Variants in NFIB observed in about 807,000 individuals in gnomAD.
The protein encoded by NFIB is nuclear factor I B.
Under a neutral mutation model 61.5 loss-of-function variants are expected in NFIB, and 11 were observed. The ratio of observed to expected loss-of-function variants is 0.18; its 90% CI spans 0.11 to 0.30. The LOEUF is 0.30. NFIB is among the 10% of genes least tolerant of loss of function. NFIB has a pLI of 1.00. For synonymous variants in NFIB, 260 were observed against 216.5 expected, an observed-to-expected ratio of 1.20 and a Z score of -1.76; for missense variants, 471 against 608.9, an observed-to-expected ratio of 0.77 and a Z score of 2.38.
At chr9:14,294,645 C>G (rs753109412) in intron 2 of NFIB, among the ~76,000 whole-genome samples, 2 of 152,188 alleles carry the variant, frequency 1.3e-5, no homozygotes, top group Non-Finnish European at 2.9e-5. Context: ...TCCAAACAAG[C>G]TAATCAATGT....
chr9:14,315,759 C>A (rs1233426126), upstream of NFIB, among the ~76,000 whole-genome samples: 1 of 151,938 alleles, frequency 6.6e-6, no homozygotes, highest in South Asian at 2.1e-4. Flanking sequence ...ACACACACCG[C>A]CCCCCAAATC....
chr9:14,343,498 A>G (rs1264134937), intron 1 of NFIB, among the ~76,000 whole-genome samples: 1 of 152,174 alleles, frequency 6.6e-6, no homozygotes, highest in Non-Finnish European at 1.5e-5. Context: ...TTTATTAAAA[A>G]AAAGTGTGAA....
chr9:14,341,865 C>G (rs953817955), intron 1 of NFIB, among the ~76,000 whole-genome samples: 1 of 151,340 alleles, frequency 6.6e-6, no homozygotes, highest in African/African-American at 2.4e-5. Context: ...GTGAGTGCTT[C>G]CAGATGCACT....
chr9:14,236,877 A>C (rs2053798795), intron 2 of NFIB, among the ~76,000 whole-genome samples: 1 of 151,998 alleles, frequency 6.6e-6, no homozygotes, highest in African/African-American at 2.4e-5. Context: ...AAACACAAAA[A>C]AGCCACTATT....
At chr9:14,512,429 G>C in the NFIB span, among the ~76,000 whole-genome samples, 1 of 152,172 alleles carries the variant, frequency 6.6e-6, no homozygotes, top group East Asian at 1.9e-4. Flanking sequence ...GTTTCTTTGA[G>C]ACAGATATTT....
In NFIB at chr9:14,221,687, T is replaced by G. The variant is rs147675805; in HGVS notation, c.563-41907A>C. Among the ~76,000 whole-genome samples the G allele has an allele frequency of 2.2e-4, 33 of 152,310 alleles. No individual in the cohort carries two copies. The East Asian group carries it at 5.8e-3, about 27-fold the overall frequency. On this transcript the variant is annotated intron_variant, in intron 2 of 10. Transcript: ENST00000380953. ...TTTAACAGCCAGGGTAAGACCCACATTCTCCCATGAAGCTGTCCTGACAAA... is the reference window on the plus strand; with the variant it reads ...TTTAACAGCCAGGGTAAGACCCACAGTCTCCCATGAAGCTGTCCTGACAAA...
intron 2 of NFIB, chr9:14,204,318 C>T: frequency 2.8e-6 from 2 of 725,036 alleles, no homozygotes; most frequent in Admixed American, 1.9e-5. Context: ...AAGCAGGAGG[C>T]CAAGAAAGTG....
At chr9:14,107,022 A>C (rs1312923652) in intron 10 of NFIB, among the ~76,000 whole-genome samples, 2 of 152,014 alleles carry the variant, frequency 1.3e-5, no homozygotes, top group Non-Finnish European at 2.9e-5. Context: ...ACATCTTGAA[A>C]GGTATGTTTT....
chr9:14,224,739 G>C (rs761475347), intron 2 of NFIB, among the ~76,000 whole-genome samples: 1 of 152,176 alleles, frequency 6.6e-6, no homozygotes, highest in Non-Finnish European at 1.5e-5. Flanking sequence ...ATCCCCAGTG[G>C]GGCCTGGGGT....
intron 6 of NFIB, among the ~76,000 whole-genome samples, chr9:14,145,585 T>C (rs1409944059): frequency 1.3e-5 from 2 of 151,730 alleles, no homozygotes; most frequent in African/African-American, 4.8e-5. Flanking sequence ...CAACATAGAG[T>C]ACCCCAACCC....
At chr9:14,128,222 T>A (rs577292770) in intron 6 of NFIB, among the ~76,000 whole-genome samples, 14 of 152,272 alleles carry the variant, frequency 9.2e-5, no homozygotes, top group Non-Finnish European at 1.5e-4. Flanking sequence ...GATGATGCAA[T>A]CACTTGCCAT....
the NFIB span, among the ~76,000 whole-genome samples, chr9:14,469,521 C>T: frequency 4.6e-5 from 7 of 152,252 alleles, no homozygotes; most frequent in East Asian, 1.9e-4. Context: ...TTGGAAATAA[C>T]GTAATCTTGT....
chr9:14,356,016 A>G (rs2061172805), intron 1 of NFIB, among the ~76,000 whole-genome samples: 1 of 152,132 alleles, frequency 6.6e-6, no homozygotes, highest in Admixed American at 6.5e-5. Flanking sequence ...TAAACTTTCA[A>G]CAACGGGCTT....
At chr9:14,291,523 T>C (rs552927699) in intron 2 of NFIB, among the ~76,000 whole-genome samples, 2 of 152,194 alleles carry the variant, frequency 1.3e-5, no homozygotes, top group Non-Finnish European at 2.9e-5. Context: ...AAGTTGCTTT[T>C]TGAAATTAAA....
intron 2 of NFIB, among the ~76,000 whole-genome samples, chr9:14,243,912 T>C (rs569097820): frequency 2.6e-5 from 4 of 152,190 alleles, no homozygotes; most frequent in Non-Finnish European, 5.9e-5. Context: ...TGCATTAAAA[T>C]GACATTGGTA....
rs530880140 is a variant in NFIB at position 14,084,933 on chromosome 9, T to C, written c.*3376A>G. On this transcript the variant is annotated 3_prime_UTR_variant, in exon 11 of 11. Coordinates refer to ENST00000380953, the MANE Select transcript of NFIB (RefSeq NM_001190737.2). ...AAGAGGCAGGCAGGAATACCCACAG[T>C]GTGTAACTTGGTTAGCTAGAACTGC... 3 of 230,614 alleles carry C rather than the reference T, an allele frequency of 1.3e-5. No individual in the cohort carries two copies. Among genetic ancestry groups the C allele is most frequent in the South Asian group, 3.6e-4 (2 of 5,498 alleles). 14.3% of individuals were successfully genotyped at this position (230,614 alleles called of 1,614,324 possible).
intron 2 of NFIB, among the ~76,000 whole-genome samples, chr9:14,219,218 T>C (rs2131813889): frequency 6.6e-6 from 1 of 152,208 alleles, no homozygotes; most frequent in Non-Finnish European, 1.5e-5. Context: ...TGTTTGTTTT[T>C]GATTCTACGT....
chr9:14,427,305 G>C, the NFIB span, among the ~76,000 whole-genome samples: 1 of 152,126 alleles, frequency 6.6e-6, no homozygotes, highest in Non-Finnish European at 1.5e-5. Context: ...GTGAATATTT[G>C]TATTGTGCTT....
intron 10 of NFIB, among the ~76,000 whole-genome samples, chr9:14,095,610 T>G (rs1268660469): frequency 2.6e-5 from 4 of 152,128 alleles, no homozygotes; most frequent in Non-Finnish European, 5.9e-5. Flanking sequence ...TGCCTTTCAC[T>G]AGAGAAAATC....
Sources: allele counts gnomAD v4.1 joint callset (sites outside exome capture counted in the v4.1 genomes callset), GRCh38; gene constraint gnomAD v4.1.1; transcripts MANE v1.5; gene names NCBI Gene and HGNC (gene_info 2026-07-23, HGNC 2026-07-21).